ZNF518A: variants seen among roughly 807,000 people sequenced by gnomAD.
The protein encoded by ZNF518A is zinc finger protein 518A.
A neutral mutation model predicts 102.7 loss-of-function variants in ZNF518A; 47 were observed. The observed-to-expected ratio is 0.46, with a 90% CI of 0.36 to 0.58. The LOEUF (loss-of-function observed/expected upper bound fraction) is 0.58, where lower values mean the gene tolerates loss of function less well. Among genes scored for constraint, ZNF518A ranks in the 20% least tolerant of loss-of-function variants. The probability of loss-of-function intolerance (pLI) is 0.00; values close to 1 mark genes in which losing one functional copy is unlikely to be tolerated. For synonymous variants in ZNF518A, 652 were observed against 594.6 expected, an observed-to-expected ratio of 1.10 and a Z score of -1.40; for missense variants, 1,793 against 1,699.8, an observed-to-expected ratio of 1.05 and a Z score of -0.96.
chr10:96,172,164 G>C lies in ZNF518A; in HGVS notation n.35+16117G>C, dbSNP rs782252186. Among the ~76,000 whole-genome samples, 254 of 149,404 alleles carry C rather than the reference G, an allele frequency of 1.7e-3. 1 individual carries two copies. The highest frequency in any genetic ancestry group is 3.3e-3 in the Non-Finnish European group (222 of 67,114). ...TGTCGAGAATAATTTGAATTCACAG[G>C]AAAAAAGAAAGACATTACATGAAAG... On this transcript the variant is annotated intron_variant and non_coding_transcript_variant, in intron 1 of 2. Coordinates refer to the ZNF518A transcript ENST00000442635.
Position 96,158,960 on chromosome 10 carries a change from A to G in ZNF518A, c.2638A>G (p.Arg880Gly). 4 of 1,613,602 alleles carry G rather than the reference A, an allele frequency of 2.5e-6. No homozygotes were observed. Among genetic ancestry groups the G allele is most frequent in the Non-Finnish European group, 3.4e-6 (4 of 1,179,706 alleles). Residue 880 changes from arginine to glycine, a missense_variant, in exon 6 of 6, where the codon AGA becomes GGA. Arg to Gly is a moderately radical substitution (Grantham distance 125, BLOSUM62 -2). Coordinates refer to ENST00000316045, the MANE Select transcript of ZNF518A (RefSeq NM_001330736.2). ...QDVRDSEKMP[R>G]ISGFGTLLKT... ...TGTGAGAGATTCAGAGAAGATGCCT[A>G]GAATTTCAGGTTTTGGCACATTACT...
chr10:96,165,293 C>T (rs1564797845), downstream of ZNF518A, among the ~76,000 whole-genome samples: 1 of 151,876 alleles, frequency 6.6e-6, no homozygotes, highest in Non-Finnish European at 1.5e-5. Context: ...TTTTTAGTAG[C>T]GATGGGGTTT....
At chr10:96,205,111 G>T, downstream of ZNF518A, 1 of 167,036 alleles carries the variant, frequency 6.0e-6, no homozygotes, top group Non-Finnish European at 1.3e-5. Context: ...AAAATTAATT[G>T]GATCAAATTC....
At chr10:96,180,358 A>T in intron 1 of ZNF518A, among the ~76,000 whole-genome samples, 2 of 148,972 alleles carry the variant, frequency 1.3e-5, no homozygotes, top group Admixed American at 1.3e-4. Flanking sequence ...TTTTTTTTTT[A>T]TATATACTTT....
In ZNF518A at chr10:96,159,946, A is replaced by G; in HGVS notation, c.3624A>G (p.Ile1208Met). Residue 1208 changes from isoleucine to methionine, a missense_variant, in exon 6 of 6, where the codon ATA (isoleucine) becomes ATG (methionine). Physicochemically the swap from Ile to Met is conservative, Grantham distance 10 (BLOSUM62 1). Transcript: ENST00000316045. ...DDLMPANEIV[I>M]TSTATCPESS... is the part of the protein sequence containing the mutation. Reference sequence around the variant, plus strand: ...TAATGCCAGCAAATGAAATTGTGATAACTTCTACTGCAACATGCCCAGAAT... The same window carrying G: ...TAATGCCAGCAAATGAAATTGTGATGACTTCTACTGCAACATGCCCAGAAT... 6.2e-7 allele frequency: 1 copy of G among 1,613,562 alleles called. No individual in the cohort carries two copies. The highest frequency in any genetic ancestry group is 8.5e-7 in the Non-Finnish European group (1 of 1,179,712).
chr10:96,198,510 C>A (rs2083534513), intron 1 of ZNF518A, among the ~76,000 whole-genome samples: 1 of 152,092 alleles, frequency 6.6e-6, no homozygotes, highest in African/African-American at 2.4e-5. Flanking sequence ...GTCTGCAGAG[C>A]CACCAGACTA....
intron 3 of ZNF518A, among the ~76,000 whole-genome samples, chr10:96,154,259 G>C (rs1208854598): frequency 2.6e-5 from 4 of 152,152 alleles, no homozygotes; most frequent in African/African-American, 9.7e-5. Context: ...ACCTGAGCCT[G>C]GGGAGGTCAA....
chr10:96,145,778 T>C (rs2082144744), intron 3 of ZNF518A, among the ~76,000 whole-genome samples: 1 of 152,244 alleles, frequency 6.6e-6, no homozygotes, highest in Admixed American at 6.5e-5. Context: ...CAGAAATCAC[T>C]TGCTTTGTTT....
chr10:96,173,922 C>T (rs2083188239), intron 1 of ZNF518A, among the ~76,000 whole-genome samples: 2 of 151,874 alleles, frequency 1.3e-5, no homozygotes, highest in South Asian at 4.2e-4. Flanking sequence ...TCTCCAACCA[C>T]AATAGAATTA....
chr10:96,189,698 A>AATCATCATC lies in ZNF518A; in HGVS notation n.36-13848_36-13840dup, dbSNP rs150495829. ...TTTTCTTCAGTTTCCTCATCATCAA[A>AATCATCATC]ATCATCATCATCATCATCATCATCA... On this transcript the variant is annotated intron_variant and non_coding_transcript_variant, in intron 1 of 2. Coordinates refer to the ZNF518A transcript ENST00000442635. The AATCATCATC allele has an allele frequency of 1.7e-3, 1,112 of 655,542 alleles. 9 individuals are homozygous for AATCATCATC. Among genetic ancestry groups the AATCATCATC allele is most frequent in the African/African-American group, 1.0e-2 (548 of 54,816 alleles). The allele number at this position is 655,542 out of a possible 1,614,324, so 40.6% of individuals were successfully genotyped here.
rs1554882332 is a variant in ZNF518A at position 96,156,386 on chromosome 10, G to A, written c.64G>A (p.Asp22Asn). Residue 22 changes from aspartate to asparagine, a missense_variant, in exon 6 of 6, where the codon GAT (aspartate) becomes AAT (asparagine). Physicochemically the swap from Asp to Asn is conservative, Grantham distance 23. Coordinates refer to ENST00000316045, the MANE Select transcript of ZNF518A (RefSeq NM_001330736.2). ...EKQTTLKKDY[D>N]VKNEIVDRSA... ...ACAAACTACTTTAAAAAAAGATTAT[G>A]ATGTGAAAAATGAGATAGTTGATAG... The A allele has an allele frequency of 6.2e-7, 1 of 1,603,052 alleles. No individual in the cohort carries two copies.
At chr10:96,139,804 T>G (rs2081820666) in intron 3 of ZNF518A, among the ~76,000 whole-genome samples, 1 of 152,150 alleles carries the variant, frequency 6.6e-6, no homozygotes, top group Non-Finnish European at 1.5e-5. Flanking sequence ...TGGACTAAGA[T>G]GATGACAGTG....
At chr10:96,183,278 T>C (rs2083250950) in intron 1 of ZNF518A, among the ~76,000 whole-genome samples, 1 of 152,220 alleles carries the variant, frequency 6.6e-6, no homozygotes, top group South Asian at 2.1e-4. Context: ...CTGGATTCAT[T>C]GATTCTTTGA....
At chr10:96,133,337 C>T (rs922478286) in intron 2 of ZNF518A, among the ~76,000 whole-genome samples, 1 of 152,010 alleles carries the variant, frequency 6.6e-6, no homozygotes, top group Admixed American at 6.6e-5. Flanking sequence ...TATATTATGA[C>T]TAATAGCATC....
intron 3 of ZNF518A, among the ~76,000 whole-genome samples, chr10:96,148,800 C>T (rs2082291309): frequency 6.6e-6 from 1 of 152,204 alleles, no homozygotes; most frequent in African/African-American, 2.4e-5. Flanking sequence ...ACTGCAAGCT[C>T]TGCCTCCCAG....
At chr10:96,151,888 A>G (rs587720471) in intron 3 of ZNF518A, among the ~76,000 whole-genome samples, 59 of 152,356 alleles carry the variant, frequency 3.9e-4, no homozygotes, top group Non-Finnish European at 7.3e-4. Flanking sequence ...CCATGTTCAT[A>G]TAGGAAACTA....
At chr10:96,193,692 G>T (rs1047347426) in intron 1 of ZNF518A, among the ~76,000 whole-genome samples, 1 of 152,092 alleles carries the variant, frequency 6.6e-6, no homozygotes, top group Non-Finnish European at 1.5e-5. Context: ...GAAAAACAAC[G>T]TATTGGCCAC....
intron 1 of ZNF518A, among the ~76,000 whole-genome samples, chr10:96,175,879 CTTCCTTCCTTCCT>C (rs2083200769): frequency 9.9e-6 from 1 of 101,084 alleles, no homozygotes; most frequent in South Asian, 4.1e-4. Flanking sequence ...CCCTCCCTCC[CTTCCTTCCTTCCT>C]TCCTTCCTTC....
chr10:96,151,984 T>C (rs1181894072), intron 3 of ZNF518A, among the ~76,000 whole-genome samples: 1 of 152,198 alleles, frequency 6.6e-6, no homozygotes, highest in African/African-American at 2.4e-5. Context: ...ATAATACATA[T>C]ATAGAAGGCA....
Sources: gnomAD v4.1 joint callset for allele counts (sites outside exome capture counted in the v4.1 genomes callset) on GRCh38, gnomAD v4.1.1 for gene constraint, MANE v1.5 for transcripts, NCBI Gene and HGNC (gene_info 2026-07-23, HGNC 2026-07-21) for gene names.